The following ACVR1 variants were observed in gnomAD, a reference collection of about 807,000 sequenced individuals.
The protein encoded by ACVR1 is activin A receptor type 1, also known as activin receptor type-1.
Under a neutral mutation model 57.1 loss-of-function variants are expected in ACVR1, and 38 were observed. That is an observed-to-expected ratio of 0.67 (90% CI 0.51 to 0.87). ACVR1 has a LOEUF of 0.87. Ranked by LOEUF, ACVR1 falls within the 40% of genes least tolerant of loss-of-function variation. The pLI is 0.00. For synonymous variants in ACVR1, 212 were observed against 228.1 expected (o/e 0.93, Z 0.63); for missense variants, 463 against 638.2 (o/e 0.73, Z 2.96).
At chr2:157,857,726 G>GT (rs1558850249) in intron 1 of ACVR1, among the ~76,000 whole-genome samples, 1 of 152,140 alleles carries the variant, frequency 6.6e-6, no homozygotes, top group Non-Finnish European at 1.5e-5. Context: ...TGTCAGCACC[G>GT]TAAGAAATCC....
chr2:157,769,134 A>G (rs1685984392), intron 7 of ACVR1, among the ~76,000 whole-genome samples: 2 of 152,320 alleles, frequency 1.3e-5, no homozygotes, highest in African/African-American at 4.8e-5. Flanking sequence ...GCAACCTGAG[A>G]AAGGACAGTG....
intron 1 of ACVR1, among the ~76,000 whole-genome samples, chr2:157,865,521 G>A (rs1434640942): frequency 1.3e-5 from 2 of 152,158 alleles, no homozygotes; most frequent in African/African-American, 4.8e-5. Flanking sequence ...GCAGGGCGCG[G>A]TGGTTCACGC....
chr2:157,799,880 C>A (rs376728718), intron 2 of ACVR1, among the ~76,000 whole-genome samples: 1 of 152,176 alleles, frequency 6.6e-6, no homozygotes, highest in African/African-American at 2.4e-5. Flanking sequence ...ACCTGAGAAG[C>A]ATGAATAGAC....
intron 1 of ACVR1, among the ~76,000 whole-genome samples, chr2:157,868,266 C>T (rs1443418024): frequency 6.6e-6 from 1 of 151,730 alleles, no homozygotes; most frequent in African/African-American, 2.4e-5. Flanking sequence ...GGGTGAATCA[C>T]GAGGTCAGGA....
chr2:157,852,264 G>A (rs926961332), intron 1 of ACVR1, among the ~76,000 whole-genome samples: 3 of 151,992 alleles, frequency 2.0e-5, no homozygotes, highest in African/African-American at 4.8e-5. Flanking sequence ...TTGGGAGGCC[G>A]AGGCGGGTGG....
intron 1 of ACVR1, among the ~76,000 whole-genome samples, chr2:157,830,445 A>G (rs948346717): frequency 6.6e-6 from 1 of 152,162 alleles, no homozygotes; most frequent in African/African-American, 2.4e-5. Flanking sequence ...AACTTCCCCA[A>G]ACCCTAAGTT....
chr2:157,812,755 G>C (rs1272442484), intron 2 of ACVR1, among the ~76,000 whole-genome samples: 2 of 152,116 alleles, frequency 1.3e-5, no homozygotes, highest in Non-Finnish European at 2.9e-5. Flanking sequence ...TCAAACTGAA[G>C]AAATTGTTTT....
At chr2:157,869,093 T>G (rs1690032180) in intron 1 of ACVR1, among the ~76,000 whole-genome samples, 1 of 152,154 alleles carries the variant, frequency 6.6e-6, no homozygotes, top group Admixed American at 6.5e-5. Flanking sequence ...GTCAACAACC[T>G]CTTCAAGTAT....
chr2:157,855,321 TATACACAC>T (rs1340594269), intron 1 of ACVR1, among the ~76,000 whole-genome samples: 2 of 109,384 alleles, frequency 1.8e-5, no homozygotes, highest in East Asian at 3.6e-4. Context: ...TATATATATA[TATACACAC>T]ACACACACAC....
chr2:157,843,471 T>A (rs1167819513), intron 1 of ACVR1, among the ~76,000 whole-genome samples: 1 of 130,452 alleles, frequency 7.7e-6, no homozygotes, highest in African/African-American at 3.0e-5. Flanking sequence ...CCAACACACA[T>A]AATGACATAA....
intron 1 of ACVR1, among the ~76,000 whole-genome samples, chr2:157,821,416 T>C (rs901998894): frequency 2.0e-5 from 3 of 151,940 alleles, no homozygotes; most frequent in Non-Finnish European, 2.9e-5. Flanking sequence ...TCCTAGCTAC[T>C]CGGGAGTCTG....
intron 7 of ACVR1, among the ~76,000 whole-genome samples, chr2:157,769,890 T>A (rs1432854853): frequency 6.6e-6 from 1 of 152,230 alleles, no homozygotes; most frequent in Non-Finnish European, 1.5e-5. Flanking sequence ...AATTAAAATG[T>A]ATCCTGAATC....
chr2:157,763,317 C>T, intron 8 of ACVR1, among the ~76,000 whole-genome samples: 1 of 152,138 alleles, frequency 6.6e-6, no homozygotes, highest in East Asian at 1.9e-4. Context: ...CAAAAATATA[C>T]ACATGGTCAC....
chr2:157,762,405 G>A (rs150239287), intron 8 of ACVR1, among the ~76,000 whole-genome samples: 1 of 152,264 alleles, frequency 6.6e-6, no homozygotes, highest in East Asian at 1.9e-4. Context: ...TATAGAATCT[G>A]GTACTATCCT....
intron 2 of ACVR1, among the ~76,000 whole-genome samples, chr2:157,816,562 T>C (rs1687944942): frequency 6.6e-6 from 1 of 151,880 alleles, no homozygotes; most frequent in African/African-American, 2.4e-5. Flanking sequence ...GCATCACTGC[T>C]CTCCAGCCTA....
In ACVR1 at chr2:157,875,796, C is replaced by T. The variant is rs1263789274; in HGVS notation, c.-183G>A. The T allele has an allele frequency of 6.6e-6, 1 of 151,774 alleles. No individual in the cohort carries two copies. 9.4% of individuals were successfully genotyped at this position (151,774 alleles called of 1,614,324 possible). On this transcript the variant is annotated splice_region_variant and 5_prime_UTR_variant, in exon 1 of 11. Transcript: ENST00000434821. Reference sequence around the variant, plus strand: ...GGCGCGGCCGGCGACCTGCGCTCACCTCGGGTCCCGCCGCGGCCGGGGGCT... The same window carrying T: ...GGCGCGGCCGGCGACCTGCGCTCACTTCGGGTCCCGCCGCGGCCGGGGGCT...
At chr2:157,855,268 AAGTGTGTGT>A (rs1428640984) in intron 1 of ACVR1, among the ~76,000 whole-genome samples, 1 of 107,122 alleles carries the variant, frequency 9.3e-6, no homozygotes, top group African/African-American at 4.1e-5. Context: ...AAAAAAAAAA[AAGTGTGTGT>A]GTGTGTGTGT....
In ACVR1 at chr2:157,766,009, G is replaced by A. The variant is rs780535323; in HGVS notation, c.978C>T (p.Thr326=). ...LAHLHIEIFG[T]QGKPAIAHRD... The stretch of plus-strand genomic sequence containing the variant: ...GATGGGCAATGGCTGGTTTCCCTTG[G>A]GTCCCAAATATCTCTATGTGCAAAT... The change falls in exon 8 of 11, where the codon ACC becomes ACT. Residue 326 remains threonine, a synonymous_variant. Coordinates refer to ENST00000434821, the MANE Select transcript of ACVR1 (RefSeq NM_001111067.4). 1.2e-5 allele frequency: 19 copies of A among 1,613,940 alleles called. No homozygotes were observed. The highest frequency in any genetic ancestry group is 1.4e-5 in the Non-Finnish European group (17 of 1,179,974).
intron 9 of ACVR1, among the ~76,000 whole-genome samples, chr2:157,741,957 T>C (rs1225493782): frequency 6.6e-6 from 1 of 152,010 alleles, no homozygotes; most frequent in Non-Finnish European, 1.5e-5. Context: ...AGTGGGTGCA[T>C]TCCAGGCAGA....
Sources: gnomAD v4.1 joint callset for allele counts (sites outside exome capture counted in the v4.1 genomes callset) on GRCh38, gnomAD v4.1.1 for gene constraint, MANE v1.5 for transcripts, NCBI Gene and HGNC (gene_info 2026-07-23, HGNC 2026-07-21) for gene names.